Variants in ST18 observed in about 807,000 individuals in gnomAD.
ST18 encodes the protein suppression of tumorigenicity 18 protein.
In ST18, 50 loss-of-function variants were observed where a neutral mutation model predicts 110.0. The observed-to-expected ratio is 0.45, with a 90% CI of 0.36 to 0.58. The LOEUF (loss-of-function observed/expected upper bound fraction) is 0.58, where lower values mean the gene tolerates loss of function less well. ST18 is among the 20% of genes least tolerant of loss of function. The pLI is 0.00. For missense variants in ST18, 1,306 were observed against 1,280.1 expected, an observed-to-expected ratio of 1.02 and a Z score of -0.31; for synonymous variants, 461 against 452.4, an observed-to-expected ratio of 1.02 and a Z score of -0.24.
chr8:52,328,238 C>G (rs144799310), intron 2 of ST18, among the ~76,000 whole-genome samples: 2 of 152,120 alleles, frequency 1.3e-5, no homozygotes, highest in Non-Finnish European at 2.9e-5. Context: ...TATTCAATCA[C>G]GAGCAGCCTA....
chr8:52,162,596 T>A (rs1185550317), intron 13 of ST18, among the ~76,000 whole-genome samples: 2 of 152,222 alleles, frequency 1.3e-5, no homozygotes, highest in East Asian at 3.8e-4. Flanking sequence ...AAAATTACTG[T>A]ATTATAATAT....
At chr8:52,139,903 G>A (rs1005807287) in intron 17 of ST18, among the ~76,000 whole-genome samples, 1 of 152,194 alleles carries the variant, frequency 6.6e-6, no homozygotes, top group Non-Finnish European at 1.5e-5. Flanking sequence ...CGAATCTACA[G>A]TGAAAAATTT....
At chr8:52,343,870 T>C (rs1395595178) in intron 2 of ST18, among the ~76,000 whole-genome samples, 2 of 152,260 alleles carry the variant, frequency 1.3e-5, no homozygotes, top group Non-Finnish European at 2.9e-5. Flanking sequence ...CATTTCCTGC[T>C]ATTTTAAAGG....
At chr8:52,237,063 G>A (rs1457702729) in intron 2 of ST18, among the ~76,000 whole-genome samples, 1 of 152,192 alleles carries the variant, frequency 6.6e-6, no homozygotes, top group South Asian at 2.1e-4. Flanking sequence ...TCTGTTAAAA[G>A]GGATATAACA....
intron 2 of ST18, among the ~76,000 whole-genome samples, chr8:52,245,104 C>T (rs2093736061): frequency 6.6e-6 from 1 of 152,104 alleles, no homozygotes; most frequent in Non-Finnish European, 1.5e-5. Context: ...AATTCTCCAC[C>T]ATTGTTTGAT....
chr8:52,155,138 G>C (rs1260351888), intron 15 of ST18, among the ~76,000 whole-genome samples: 1 of 151,266 alleles, frequency 6.6e-6, no homozygotes, highest in African/African-American at 2.4e-5. Context: ...GAAAGCAGAG[G>C]TTGCAGTGAG....
At chr8:52,154,094 A>G (rs940025081) in intron 15 of ST18, among the ~76,000 whole-genome samples, 1 of 152,246 alleles carries the variant, frequency 6.6e-6, no homozygotes, top group African/African-American at 2.4e-5. Flanking sequence ...ATTATTAAAT[A>G]GCTGTTTCCT....
intron 8 of ST18, among the ~76,000 whole-genome samples, chr8:52,209,475 A>C (rs887462395): frequency 2.6e-5 from 4 of 152,238 alleles, no homozygotes; most frequent in African/African-American, 9.6e-5. Flanking sequence ...GGACCCCAAT[A>C]AATATTAGTT....
Position 52,221,800 on chromosome 8 carries a change from A to G in ST18, c.-418-7T>C, listed in dbSNP as rs926889990. 2 of 152,138 alleles carry G rather than the reference A, an allele frequency of 1.3e-5. No homozygotes were observed. Among genetic ancestry groups the G allele is most frequent in the Non-Finnish European group, 2.9e-5 (2 of 68,012 alleles). 9.4% of individuals were successfully genotyped at this position (152,138 alleles called of 1,614,324 possible). A position where few individuals can be genotyped will look rare whatever the true frequency, so the allele number is the denominator to read the frequency against. On this transcript the variant is annotated splice_region_variant and splice_polypyrimidine_tract_variant and intron_variant, in intron 3 of 25. Coordinates refer to ENST00000689386, the MANE Select transcript of ST18 (RefSeq NM_001352837.2). Reference sequence around the variant, plus strand: ...AAGTCAGCAACTGTAGTTCCTGGGGAAAAATGGAGATAAAACTCTCAAGTG... The same window carrying G: ...AAGTCAGCAACTGTAGTTCCTGGGGGAAAATGGAGATAAAACTCTCAAGTG...
intron 17 of ST18, among the ~76,000 whole-genome samples, chr8:52,138,124 A>G (rs2053262945): frequency 6.6e-6 from 1 of 151,642 alleles, no homozygotes; most frequent in Admixed American, 6.6e-5. Flanking sequence ...AAAGAAAAAG[A>G]AAAATACATA....
chr8:52,261,820 TG>T (rs1165555593), intron 2 of ST18, among the ~76,000 whole-genome samples: 2 of 152,190 alleles, frequency 1.3e-5, no homozygotes, highest in African/African-American at 4.8e-5. Context: ...CCCAGAGAAA[TG>T]TGTCTCATTC....
At chr8:52,404,843 A>C (rs907927596) in intron 2 of ST18, 1 of 152,184 alleles carries the variant, frequency 6.6e-6, no homozygotes, top group Non-Finnish European at 1.5e-5. Context: ...ATATCTTTTT[A>C]AAAAAATTAT....
At chr8:52,246,003 A>G (rs746844891) in intron 2 of ST18, among the ~76,000 whole-genome samples, 5 of 152,132 alleles carry the variant, frequency 3.3e-5, no homozygotes, top group Non-Finnish European at 7.4e-5. Context: ...CTAACAGAAC[A>G]AATGTTCTGA....
chr8:52,341,407 T>C (rs1265785510), intron 2 of ST18, among the ~76,000 whole-genome samples: 1 of 152,220 alleles, frequency 6.6e-6, no homozygotes, highest in Non-Finnish European at 1.5e-5. Context: ...AGACCTTTTC[T>C]GCACATCTAT....
intron 2 of ST18, among the ~76,000 whole-genome samples, chr8:52,308,446 C>A (rs1203160925): frequency 6.6e-6 from 1 of 152,204 alleles, no homozygotes; most frequent in Non-Finnish European, 1.5e-5. Context: ...GCTGGATAAT[C>A]TTTCTTGAGA....
chr8:52,322,687 CT>C (rs1377163844), intron 2 of ST18, among the ~76,000 whole-genome samples: 1 of 152,176 alleles, frequency 6.6e-6, no homozygotes, highest in Non-Finnish European at 1.5e-5. Context: ...GAAGGCATTT[CT>C]TTCCAGTAGA....
intron 2 of ST18, chr8:52,246,568 G>A (rs949401303): frequency 6.6e-6 from 1 of 152,118 alleles, no homozygotes; most frequent in Non-Finnish European, 1.5e-5. Context: ...GGTATGTTTA[G>A]AATTTTTAAC....
intron 2 of ST18, among the ~76,000 whole-genome samples, chr8:52,387,292 C>T (rs1040983375): frequency 6.6e-6 from 1 of 152,156 alleles, no homozygotes; most frequent in African/African-American, 2.4e-5. Flanking sequence ...TTTATCTTTT[C>T]TTCTCTGTCT....
intron 22 of ST18, among the ~76,000 whole-genome samples, chr8:52,129,469 A>G (rs1385450429): frequency 2.6e-5 from 4 of 151,230 alleles, no homozygotes; most frequent in African/African-American, 4.9e-5. Flanking sequence ...AAAAAAAAAA[A>G]AAAAGAAAGA....
Sources: gnomAD v4.1 joint callset for allele counts (sites outside exome capture counted in the v4.1 genomes callset) on GRCh38, gnomAD v4.1.1 for gene constraint, MANE v1.5 for transcripts, NCBI Gene and HGNC (gene_info 2026-07-23, HGNC 2026-07-21) for gene names.